Variants in MEIOB observed in about 807,000 individuals in gnomAD.
MEIOB encodes the protein meiosis-specific with OB domain-containing protein.
In MEIOB, 50 loss-of-function variants were observed where a neutral mutation model predicts 53.1. The ratio of observed to expected loss-of-function variants is 0.94; its 90% CI spans 0.75 to 1.19. MEIOB has a LOEUF of 1.19. Among genes scored for constraint, MEIOB ranks in the 50% most tolerant of loss-of-function variants. MEIOB has a pLI of 0.00. For synonymous variants in MEIOB, 192 were observed against 182.5 expected (o/e 1.05, Z -0.42); for missense variants, 551 against 550.8 (o/e 1.00, Z 0.00).
intron 5 of MEIOB, among the ~76,000 whole-genome samples, chr16:1,858,344 C>T (rs1018505137): frequency 1.3e-5 from 2 of 152,170 alleles, no homozygotes; most frequent in Non-Finnish European, 2.9e-5. Context: ...CCCTACTGAG[C>T]TCTGCATGGA....
At chr16:1,849,332 C>G (rs1899101428) in intron 9 of MEIOB, among the ~76,000 whole-genome samples, 1 of 152,026 alleles carries the variant, frequency 6.6e-6, no homozygotes, top group Non-Finnish European at 1.5e-5. Flanking sequence ...GCAGGCAGAT[C>G]ACGAGATCAA....
At chr16:1,839,680 T>C in intron 11 of MEIOB, 1 of 434,464 alleles carries the variant, frequency 2.3e-6, no homozygotes, top group Middle Eastern at 6.1e-4. Context: ...CTTCCCTCCC[T>C]CTGCCAAGCC....
At chr16:1,841,767 CAA>C in intron 11 of MEIOB, 51 bp downstream of exon 11, 1 of 1,327,410 alleles carries the variant, frequency 7.5e-7, no homozygotes, top group Non-Finnish European at 1.0e-6. Flanking sequence ...AATTTATTAA[CAA>C]TAATTATTTC....
At chr16:1,848,441 C>T (rs1437018216) in intron 9 of MEIOB, among the ~76,000 whole-genome samples, 2 of 151,258 alleles carry the variant, frequency 1.3e-5, no homozygotes, top group Non-Finnish European at 3.0e-5. Context: ...TGATCTAAAA[C>T]TTCCCTCTTT....
chr16:1,843,027 G>C (rs1898951964), intron 10 of MEIOB, among the ~76,000 whole-genome samples: 1 of 149,376 alleles, frequency 6.7e-6, no homozygotes, highest in Non-Finnish European at 1.5e-5. Context: ...AGGCGCAGTG[G>C]CTCACGCCTG....
At chr16:1,864,229 C>G (rs1191856159) in intron 3 of MEIOB, among the ~76,000 whole-genome samples, 1 of 152,082 alleles carries the variant, frequency 6.6e-6, no homozygotes, top group Non-Finnish European at 1.5e-5. Context: ...TAGTGTTTAC[C>G]TCTGGGGAGA....
chr16:1,837,892 G>T, intron 12 of MEIOB, 22 bp from the exon 13 acceptor site: 1 of 1,479,594 alleles, frequency 6.8e-7, no homozygotes, highest in South Asian at 1.3e-5. Context: ...AAAAATATGA[G>T]ACAAATATAT....
At chr16:1,868,394 G>A (rs935102905) in intron 1 of MEIOB, among the ~76,000 whole-genome samples, 5 of 152,110 alleles carry the variant, frequency 3.3e-5, no homozygotes, top group African/African-American at 9.6e-5. Flanking sequence ...TCACGTGGTA[G>A]CGGGCACCAG....
intron 13 of MEIOB, 72 bp from the exon 14 acceptor site, chr16:1,834,438 CA>C: frequency 1.2e-6 from 1 of 804,840 alleles, no homozygotes; most frequent in Non-Finnish European, 2.1e-6. Flanking sequence ...GTTGAAAAAT[CA>C]ATGATCACGA....
chr16:1,853,000 C>A (rs766640326), intron 9 of MEIOB, 39 bp downstream of exon 9: 1 of 1,210,926 alleles, frequency 8.3e-7, no homozygotes, highest in Non-Finnish European at 1.2e-6. Flanking sequence ...TGTGTTCAGT[C>A]ATTTCCAAAG....
At chr16:1,852,316 G>A (rs1899194126) in intron 9 of MEIOB, among the ~76,000 whole-genome samples, 3 of 128,136 alleles carry the variant, frequency 2.3e-5, no homozygotes, top group South Asian at 2.4e-4. Flanking sequence ...AGGCTGGAGC[G>A]CAGTGGTGCA....
At chr16:1,865,582 TAG>T (rs1240111613) in intron 3 of MEIOB, among the ~76,000 whole-genome samples, 194 bp downstream of exon 3, 1 of 151,434 alleles carries the variant, frequency 6.6e-6, no homozygotes, top group Non-Finnish European at 1.5e-5. Flanking sequence ...TACATATATA[TAG>T]AGAGAGAGAG....
At chr16:1,844,122 CTTTTTT>C (rs755682782) in intron 10 of MEIOB, among the ~76,000 whole-genome samples, 91 of 129,428 alleles carry the variant, frequency 7.0e-4, no homozygotes, top group Non-Finnish European at 1.2e-3. Context: ...TATTATGTTT[CTTTTTT>C]TTTTTTTTTT....
intron 13 of MEIOB, among the ~76,000 whole-genome samples, chr16:1,835,798 A>G (rs1898728588): frequency 6.6e-6 from 1 of 152,146 alleles, no homozygotes; most frequent in Admixed American, 6.6e-5. Flanking sequence ...AGGTTCATCT[A>G]CAAGCAAACC....
intron 2 of MEIOB, among the ~76,000 whole-genome samples, chr16:1,866,871 C>G (rs1056188556): frequency 1.3e-5 from 2 of 152,164 alleles, no homozygotes; most frequent in African/African-American, 4.8e-5. Flanking sequence ...TTTTAAGACT[C>G]CTACATTCTA....
intron 11 of MEIOB, 32 bp downstream of exon 11, chr16:1,841,788 A>G (rs1025707613): frequency 1.4e-6 from 2 of 1,446,074 alleles, no homozygotes; most frequent in Non-Finnish European, 1.8e-6. Context: ...TCTTACAAAA[A>G]TGAATTTGCT....
intron 9 of MEIOB, among the ~76,000 whole-genome samples, chr16:1,847,845 TGC>T (rs998487457): frequency 6.6e-6 from 1 of 152,218 alleles, no homozygotes; most frequent in African/African-American, 2.4e-5. Context: ...GCTCGCTGAA[TGC>T]CTGTGTGCTC....
chr16:1,850,667 T>C (rs543022099), intron 9 of MEIOB, among the ~76,000 whole-genome samples: 9 of 152,114 alleles, frequency 5.9e-5, no homozygotes, highest in African/African-American at 2.2e-4. Flanking sequence ...ACACCTGTAA[T>C]CCCAGCACTT....
intron 1 of MEIOB, 119 bp downstream of exon 1, chr16:1,871,874 T>A (rs1418075268): frequency 1.5e-4 from 1 of 6,492 alleles, no homozygotes; most frequent in Non-Finnish European, 4.3e-4. Flanking sequence ...GGCAGGGGAA[T>A]CCTTGAACCA....
Sources: gnomAD v4.1 joint callset for allele counts (sites outside exome capture counted in the v4.1 genomes callset) on GRCh38, gnomAD v4.1.1 for gene constraint, MANE v1.5 for transcripts, NCBI Gene and HGNC (gene_info 2026-07-23, HGNC 2026-07-21) for gene names.